RALGAPA1: variants seen among roughly 807,000 people sequenced by gnomAD.
RALGAPA1 encodes Ral GTPase activating protein catalytic subunit alpha 1, also known as ral GTPase-activating protein subunit alpha-1.
RALGAPA1 carries 52 observed loss-of-function variants against 269.6 expected under a neutral mutation model. That is an observed-to-expected ratio of 0.19 (90% confidence interval 0.15 to 0.24). The LOEUF is 0.24. RALGAPA1 is among the 10% of genes least tolerant of loss of function. The pLI is 1.00. For missense variants in RALGAPA1, 1,917 were observed against 3,013.9 expected, an observed-to-expected ratio of 0.64 and a Z score of 8.52; for synonymous variants, 817 against 1,008.3, an observed-to-expected ratio of 0.81 and a Z score of 3.60.
At chr14:35,806,508 T>C (rs1368480015) in intron 1 of RALGAPA1, among the ~76,000 whole-genome samples, 1 of 152,196 alleles carries the variant, frequency 6.6e-6, no homozygotes, top group African/African-American at 2.4e-5. Context: ...TCAAGTTCTA[T>C]AAATTTAACT....
chr14:35,710,567 C>T (rs2068233492), intron 16 of RALGAPA1, among the ~76,000 whole-genome samples: 1 of 152,132 alleles, frequency 6.6e-6, no homozygotes, highest in South Asian at 2.1e-4. Flanking sequence ...CAGAATTAAT[C>T]ATCTTTATGT....
At chr14:35,645,435 G>A (rs1425971024) in intron 31 of RALGAPA1, among the ~76,000 whole-genome samples, 1 of 150,012 alleles carries the variant, frequency 6.7e-6, no homozygotes, top group Non-Finnish European at 1.5e-5. Flanking sequence ...GAGGACTTAA[G>A]AAACGATACC....
chr14:35,633,758 T>C (rs1052444754), intron 33 of RALGAPA1, among the ~76,000 whole-genome samples: 7 of 152,162 alleles, frequency 4.6e-5, no homozygotes, highest in African/African-American at 9.6e-5. Context: ...CCTTCAGCAA[T>C]TGCTGGGTTC....
At chr14:35,676,717 G>A (rs1175771414) in intron 22 of RALGAPA1, 5 of 152,190 alleles carry the variant, frequency 3.3e-5, no homozygotes, top group Non-Finnish European at 1.5e-5. Flanking sequence ...TGAAGGATCT[G>A]ATATTTGCAA....
chr14:35,686,727 G>C (rs1233063864), intron 18 of RALGAPA1, 61 bp from the exon 19 acceptor site: 1 of 986,604 alleles, frequency 1.0e-6, no homozygotes, highest in Non-Finnish European at 1.4e-6. Flanking sequence ...TTCTAACTTT[G>C]AAACAAACAA....
At chr14:35,567,839 C>G (rs1317545559) in intron 39 of RALGAPA1, among the ~76,000 whole-genome samples, 1 of 152,116 alleles carries the variant, frequency 6.6e-6, no homozygotes, top group East Asian at 1.9e-4. Context: ...GATCTCACCA[C>G]TTTCCAAAAA....
rs1594991062 is a variant in RALGAPA1 at position 35,654,245 on chromosome 14, T to C, written c.5607+122A>G. 7 of 971,500 alleles carry C rather than the reference T, an allele frequency of 7.2e-6. No homozygotes were observed. In the East Asian group the frequency reaches 2.1e-4, roughly 30 times the overall value. 60.2% of individuals were successfully genotyped at this position (971,500 alleles called of 1,614,324 possible). On this transcript the variant is annotated intron_variant, in intron 30 of 41. Transcript: ENST00000680220. ...ACTTTGATACCACAAAAAAGCATGA[T>C]GGGTAGCCATTATTTAGCTATGCAA... is the stretch of plus-strand genomic sequence containing the variant.
intron 38 of RALGAPA1, 63 bp from the exon 39 acceptor site, chr14:35,570,807 A>G: frequency 1.4e-6 from 2 of 1,455,090 alleles, no homozygotes; most frequent in South Asian, 2.7e-5. Flanking sequence ...AATAAGAGCA[A>G]TCAAGACACT....
At chr14:35,643,103 G>A (rs1032039480) in intron 31 of RALGAPA1, among the ~76,000 whole-genome samples, 1 of 150,226 alleles carries the variant, frequency 6.7e-6, no homozygotes, top group Non-Finnish European at 1.5e-5. Flanking sequence ...AACACCGCAA[G>A]TTCTCATTCA....
intron 31 of RALGAPA1, among the ~76,000 whole-genome samples, chr14:35,647,194 A>G (rs2062490409): frequency 1.3e-5 from 2 of 152,208 alleles, no homozygotes; most frequent in Non-Finnish European, 2.9e-5. Flanking sequence ...TAATGCATAT[A>G]AAGTACACAC....
intron 4 of RALGAPA1, among the ~76,000 whole-genome samples, chr14:35,763,776 GTATA>G (rs61365812): frequency 8.0e-5 from 12 of 149,514 alleles, no homozygotes; most frequent in Admixed American, 2.7e-4. Flanking sequence ...CCCGGGGTGT[GTATA>G]TATATATATA....
At chr14:35,664,802 A>G (rs1298344425) in intron 26 of RALGAPA1, 35 bp from the exon 27 acceptor site, 2 of 1,591,314 alleles carry the variant, frequency 1.3e-6, no homozygotes, top group Non-Finnish European at 1.7e-6. Flanking sequence ...TTAAAAATAT[A>G]TTGGTGTTAT....
chr14:35,681,533 G>T (rs1030864041), intron 21 of RALGAPA1, among the ~76,000 whole-genome samples: 4 of 152,018 alleles, frequency 2.6e-5, no homozygotes, highest in South Asian at 2.1e-4. Flanking sequence ...TAACTACAGA[G>T]AATTAAGAAA....
intron 27 of RALGAPA1, among the ~76,000 whole-genome samples, chr14:35,663,303 A>T (rs1176538573): frequency 6.6e-6 from 1 of 152,158 alleles, no homozygotes; most frequent in African/African-American, 2.4e-5. Flanking sequence ...TCAGACATTG[A>T]ACACGTAATT....
intron 19 of RALGAPA1, among the ~76,000 whole-genome samples, chr14:35,685,538 A>T (rs1481498693): frequency 6.6e-6 from 1 of 152,102 alleles, no homozygotes; most frequent in Non-Finnish European, 1.5e-5. Context: ...AAGTAAGCCT[A>T]AAAAGAAAGG....
At chr14:35,656,256 T>C (rs1195957459) in intron 28 of RALGAPA1, among the ~76,000 whole-genome samples, 1 of 152,194 alleles carries the variant, frequency 6.6e-6, no homozygotes, top group Non-Finnish European at 1.5e-5. Flanking sequence ...TGTAATTTTA[T>C]TGACTGATAA....
intron 39 of RALGAPA1, among the ~76,000 whole-genome samples, chr14:35,559,498 G>GAA (rs542795620): frequency 1.1e-4 from 16 of 146,304 alleles, no homozygotes; most frequent in African/African-American, 3.2e-4. Context: ...TTTAATACAG[G>GAA]AAAAAAAAAA....
chr14:35,775,663 C>A lies in RALGAPA1; in HGVS notation c.189G>T (p.Val63=). Residue 63 remains valine (V), a synonymous_variant, in exon 2 of 42, where the codon GTG becomes GTT. Transcript: ENST00000680220. ...TCTGTTTAAGACTAGCTTCAATAGTCACAAAATTTTCAAAGAACACATAGT... is the reference window on the plus strand; with the variant it reads ...TCTGTTTAAGACTAGCTTCAATAGTAACAAAATTTTCAAAGAACACATAGT... ...HIYYVFFENF[V]TIEASLKQKG... The A allele has an allele frequency of 1.3e-6, 2 of 1,577,566 alleles. No individual in the cohort carries two copies. Among genetic ancestry groups the A allele is most frequent in the South Asian group, 2.4e-5 (2 of 83,148 alleles).
chr14:35,676,240 ACT>A (rs1312169253), intron 22 of RALGAPA1: 15 of 150,604 alleles, frequency 1.0e-4, no homozygotes, highest in African/African-American at 3.4e-4. Flanking sequence ...AGACAGTCTC[ACT>A]CTGTTACCCA....
Sources: gnomAD v4.1 joint callset for allele counts (sites outside exome capture counted in the v4.1 genomes callset) on GRCh38, gnomAD v4.1.1 for gene constraint, MANE v1.5 for transcripts, NCBI Gene and HGNC (gene_info 2026-07-23, HGNC 2026-07-21) for gene names.